MACROD1: variants seen among roughly 807,000 people sequenced by gnomAD.
The protein encoded by MACROD1 is mono-ADP ribosylhydrolase 1.
A neutral mutation model predicts 41.4 loss-of-function variants in MACROD1; 31 were observed. The ratio of observed to expected loss-of-function variants is 0.75; its 90% CI spans 0.56 to 1.01. The LOEUF (loss-of-function observed/expected upper bound fraction) is 1.01, where lower values mean the gene tolerates loss of function less well. MACROD1 is among the 50% of genes least tolerant of loss of function. The pLI is 0.00. For missense variants in MACROD1, 473 were observed against 460.0 expected (o/e 1.03, Z -0.26); for synonymous variants, 252 against 203.4 (o/e 1.24, Z -2.03).
intron 1 of MACROD1, among the ~76,000 whole-genome samples, chr11:64,153,347 G>A (rs1293572645): frequency 6.6e-6 from 1 of 152,136 alleles, no homozygotes; most frequent in Non-Finnish European, 1.5e-5. Context: ...AAACAGCAAA[G>A]GCTACAATTG....
At chr11:64,060,883 C>G (rs1177043871) in intron 3 of MACROD1, among the ~76,000 whole-genome samples, 1 of 152,062 alleles carries the variant, frequency 6.6e-6, no homozygotes, top group Admixed American at 6.5e-5. Flanking sequence ...CCGGGCGTGT[C>G]AGCCCCGCCC....
chr11:64,131,901 G>C (rs1001301307), intron 3 of MACROD1, among the ~76,000 whole-genome samples: 5 of 152,184 alleles, frequency 3.3e-5, no homozygotes, highest in African/African-American at 9.7e-5. Context: ...AGCTGAGGAG[G>C]GGGGCAGGGG....
At position 64,036,427 on chromosome 11, in the gene MACROD1, C is replaced by T. The variant is rs929440443; in HGVS notation, c.518-21146G>A. On this transcript the variant is annotated intron_variant, in intron 3 of 10. Coordinates refer to ENST00000255681, the MANE Select transcript of MACROD1 (RefSeq NM_014067.4). This position sits in a 1 kb window ranked among gnomAD's most constrained non-coding sequence, Gnocchi z 5.6. ...TGCGCGGCCGGCGGCTCAGCTCTCC[C>T]GAGCCGAGGCTGGAAAGGGCGGGGG... is the stretch of plus-strand genomic sequence containing the variant. Among the ~76,000 whole-genome samples, 1 of 152,166 alleles carries T rather than the reference C, an allele frequency of 6.6e-6. No homozygotes were observed. Among genetic ancestry groups the T allele is most frequent in the Non-Finnish European group, 1.5e-5 (1 of 68,010 alleles).
At chr11:64,141,644 A>G (rs1945415514) in intron 3 of MACROD1, among the ~76,000 whole-genome samples, 1 of 152,084 alleles carries the variant, frequency 6.6e-6, no homozygotes, top group East Asian at 1.9e-4. Flanking sequence ...ACACATTCCC[A>G]CAAGCTCCGG....
intron 4 of MACROD1, among the ~76,000 whole-genome samples, chr11:64,002,838 C>T (rs549649321): frequency 2.0e-5 from 3 of 148,904 alleles, no homozygotes; most frequent in Non-Finnish European, 4.4e-5. Context: ...CCCTTCCTTC[C>T]CTCTTCCCTC....
chr11:63,999,154 AC>A, intron 8 of MACROD1, 118 bp from the exon 9 acceptor site: 1 of 1,314,812 alleles, frequency 7.6e-7, no homozygotes, highest in Non-Finnish European at 1.0e-6. Context: ...ACGGAGGCTC[AC>A]GGCTGTGTGC....
chr11:64,138,635 T>C (rs1408529556), intron 3 of MACROD1: 2 of 772,142 alleles, frequency 2.6e-6, no homozygotes, highest in South Asian at 1.2e-4. Flanking sequence ...CCAACTGCGA[T>C]GCCGCTCGGC....
At chr11:64,060,614 G>A (rs1404844357) in intron 3 of MACROD1, 2 of 152,254 alleles carry the variant, frequency 1.3e-5, no homozygotes, top group Non-Finnish European at 2.9e-5. Flanking sequence ...GATTAGAACT[G>A]GTGAAACTGG....
intron 3 of MACROD1, among the ~76,000 whole-genome samples, chr11:64,109,952 C>T (rs527965020): frequency 1.1e-4 from 16 of 152,124 alleles, no homozygotes; most frequent in African/African-American, 3.6e-4. Flanking sequence ...GAAGCTAGGC[C>T]GTGTGTCTGG....
At chr11:64,162,937 G>A (rs897068653) in intron 1 of MACROD1, among the ~76,000 whole-genome samples, 3 of 152,118 alleles carry the variant, frequency 2.0e-5, no homozygotes, top group East Asian at 1.9e-4. Flanking sequence ...TGACTAACAC[G>A]ATGAAATCCT....
rs1348404680 is a variant in MACROD1, at chr11:64,090,391, G to A, written c.517+60848C>T. Among the ~76,000 whole-genome samples, 1 of 152,210 alleles carries A rather than the reference G, an allele frequency of 6.6e-6. No homozygotes were observed. The highest frequency in any genetic ancestry group is 2.4e-5 in the African/African-American group (1 of 41,450). ...ACTCAGGCAGCAGGGCACAATTACT[G>A]AGCCTGGTGCTTTATTTCCTCAACT... On this transcript the variant is annotated intron_variant, in intron 3 of 10. Coordinates refer to ENST00000255681, the MANE Select transcript of MACROD1 (RefSeq NM_014067.4). The surrounding 1 kb of genome is among the most constrained non-coding windows in gnomAD (Gnocchi z 4.7).
chr11:64,061,223 G>GTTAT (rs1943897022), intron 3 of MACROD1, among the ~76,000 whole-genome samples: 2 of 152,244 alleles, frequency 1.3e-5, no homozygotes, highest in African/African-American at 4.8e-5. Flanking sequence ...TGTAATAAAT[G>GTTAT]CATTTGGAGT....
intron 3 of MACROD1, among the ~76,000 whole-genome samples, chr11:64,059,273 G>A (rs1943850629): frequency 6.6e-6 from 1 of 152,186 alleles, no homozygotes; most frequent in Non-Finnish European, 1.5e-5. Flanking sequence ...GAGAGGTGCC[G>A]CCCTGTGAAG....
At chr11:64,078,679 C>T (rs2134483241) in intron 3 of MACROD1, among the ~76,000 whole-genome samples, 1 of 152,274 alleles carries the variant, frequency 6.6e-6, no homozygotes, top group African/African-American at 2.4e-5. Flanking sequence ...CTTCACCGAG[C>T]TTTGAGGTGC....
At chr11:64,004,965 G>A (rs1320735460) in intron 4 of MACROD1, among the ~76,000 whole-genome samples, 2 of 152,102 alleles carry the variant, frequency 1.3e-5, no homozygotes, top group Non-Finnish European at 2.9e-5. Context: ...GGGCCAGGGG[G>A]GTTAAGCAAC....
rs1247872222 is a variant in MACROD1, at chr11:64,051,757, CCT to C, written c.518-36478_518-36477del. Among the ~76,000 whole-genome samples, 5 of 152,312 alleles carry C rather than the reference CCT, an allele frequency of 3.3e-5. No individual in the cohort carries two copies. The East Asian group carries it at 7.8e-4, about 24-fold the overall frequency. On this transcript the variant is annotated intron_variant, in intron 3 of 10. Coordinates refer to ENST00000255681, the MANE Select transcript of MACROD1 (RefSeq NM_014067.4). Reference sequence around the variant, plus strand: ...GGCCAGATAGCCCTGCGGCCCAGTCCCTCTCAGGACAACTTCTGAGGGTGCCC... The same window carrying C: ...GGCCAGATAGCCCTGCGGCCCAGTCCCTCAGGACAACTTCTGAGGGTGCCC...
At position 64,118,490 on chromosome 11, in the gene MACROD1, G is replaced by A. The variant is rs768052367; in HGVS notation, c.517+32749C>T. ...GACAATTTTTTTTAAAAGAATAGAA[G>A]GCAGGAGGGGGAATTCGACATTGTT... On this transcript the variant is annotated intron_variant, in intron 3 of 10. Coordinates refer to ENST00000255681, the MANE Select transcript of MACROD1 (RefSeq NM_014067.4). 1.6e-4 allele frequency: 81 copies of A among 513,942 alleles called. 1 individual carries two copies. The highest frequency in any genetic ancestry group is 2.4e-4 in the Non-Finnish European group (71 of 299,378). The allele number at this position is 513,942 out of a possible 1,614,324, so 31.8% of individuals were successfully genotyped here.
chr11:64,085,403 G>A (rs1041198965), intron 3 of MACROD1, among the ~76,000 whole-genome samples: 3 of 152,242 alleles, frequency 2.0e-5, no homozygotes, highest in Admixed American at 1.3e-4. Flanking sequence ...CCTGCCTTCC[G>A]GGGACGGAGG....
At chr11:64,127,444 G>C (rs1945202480) in intron 3 of MACROD1, among the ~76,000 whole-genome samples, 1 of 148,192 alleles carries the variant, frequency 6.7e-6, no homozygotes, top group Non-Finnish European at 1.5e-5. Context: ...CCGAGGCTCA[G>C]CCCACCCCTC....
Sources: gnomAD v4.1 joint callset for allele counts (sites outside exome capture counted in the v4.1 genomes callset) on GRCh38, gnomAD v4.1.1 for gene constraint, Gnocchi (gnomAD v3.1) non-coding constraint, MANE v1.5 for transcripts, NCBI Gene and HGNC (gene_info 2026-07-23, HGNC 2026-07-21) for gene names.